PRKAR1B: variants seen among roughly 807,000 people sequenced by gnomAD.
The protein encoded by PRKAR1B is protein kinase cAMP-dependent type I regulatory subunit beta.
Under a neutral mutation model 46.5 loss-of-function variants are expected in PRKAR1B, and 22 were observed. That is an observed-to-expected ratio of 0.47 (90% CI 0.34 to 0.68). The LOEUF (loss-of-function observed/expected upper bound fraction) is 0.68. PRKAR1B is among the 30% of genes least tolerant of loss of function. The probability of loss-of-function intolerance (pLI) is 0.01; values close to 1 mark genes in which losing one functional copy is unlikely to be tolerated. For synonymous variants in PRKAR1B, 259 were observed against 217.7 expected (o/e 1.19, Z -1.67); for missense variants, 445 against 535.6 (o/e 0.83, Z 1.67).
At chr7:711,664 T>A (rs904474525) in intron 1 of PRKAR1B, 137 bp from the exon 2 acceptor site, 23 of 829,004 alleles carry the variant, frequency 2.8e-5, no homozygotes, top group Non-Finnish European at 4.2e-5. Context: ...CAAAGATCTT[T>A]CATTCTGTGG....
chr7:665,591 T>C (rs1785865671), intron 4 of PRKAR1B, among the ~76,000 whole-genome samples: 1 of 152,260 alleles, frequency 6.6e-6, no homozygotes, highest in South Asian at 2.1e-4. Flanking sequence ...CTGGGCTTTC[T>C]GCAAATGGAA....
At chr7:684,197 C>T (rs890321264) in intron 2 of PRKAR1B, among the ~76,000 whole-genome samples, 1 of 152,220 alleles carries the variant, frequency 6.6e-6, no homozygotes, top group Admixed American at 6.5e-5. Context: ...TCCACGTGCA[C>T]CAATGCCCAC....
intron 7 of PRKAR1B, among the ~76,000 whole-genome samples, chr7:594,231 G>A (rs537873564): frequency 1.3e-5 from 2 of 152,238 alleles, no homozygotes; most frequent in East Asian, 1.9e-4. Context: ...AAGACACCAG[G>A]CCATTCACCT....
Position 614,047 on chromosome 7 carries a change from AG to A in PRKAR1B, c.441-6596del, listed in dbSNP as rs1032675665. Among the ~76,000 whole-genome samples the A allele has an allele frequency of 1.5e-4, 23 of 152,262 alleles. No individual in the cohort carries two copies. In the East Asian group the frequency reaches 3.1e-3, roughly 21 times the overall value. On this transcript the variant is annotated intron_variant, in intron 4 of 10. Transcript: ENST00000537384. The stretch of plus-strand genomic sequence containing the variant: ...GGTTCAGGTCAGCATGGAGGGCGGG[AG>A]GCGTGGCGCCCACAGAGGGGAGGGG...
chr7:641,525 A>G lies in PRKAR1B; in HGVS notation c.441-34073T>C, dbSNP rs186518932. Reference sequence around the variant, plus strand: ...GTGCCGTATTGTTCATAATAGCTCCAAACTGAAAACAACCCAGATGACGCC... The same window carrying G: ...GTGCCGTATTGTTCATAATAGCTCCGAACTGAAAACAACCCAGATGACGCC... On this transcript the variant is annotated intron_variant, in intron 4 of 10. Transcript: ENST00000537384. Among the ~76,000 whole-genome samples the G allele has an allele frequency of 4.6e-5, 7 of 152,198 alleles. No individual in the cohort carries two copies. The East Asian group carries it at 1.3e-3, about 29-fold the overall frequency.
chr7:611,868 TG>T (rs1249907025), intron 4 of PRKAR1B, among the ~76,000 whole-genome samples: 1 of 148,930 alleles, frequency 6.7e-6, no homozygotes, highest in Non-Finnish European at 1.5e-5. Flanking sequence ...GATGAATCGA[TG>T]GATGGATGGA....
intron 9 of PRKAR1B, chr7:578,892 G>C: frequency 2.0e-6 from 1 of 490,558 alleles, no homozygotes; most frequent in Non-Finnish European, 3.0e-6. Context: ...ATGTTGGCCA[G>C]GCTGGTCTCG....
intron 4 of PRKAR1B, 34 bp downstream of exon 4, chr7:677,195 C>T (rs117395529): frequency 0.012 from 18,819 of 1,604,152 alleles, 401 homozygotes; most frequent in East Asian, 0.1. Context: ...AGGAGGGCGG[C>T]GGTGATGCCG....
intron 2 of PRKAR1B, among the ~76,000 whole-genome samples, chr7:689,916 C>T (rs1379267121): frequency 1.3e-5 from 2 of 151,244 alleles, no homozygotes; most frequent in South Asian, 2.1e-4. Context: ...CTCCTGACCT[C>T]GTGATCCGCC....
chr7:719,023 C>T (rs536413015), intron 1 of PRKAR1B, among the ~76,000 whole-genome samples: 17 of 151,866 alleles, frequency 1.1e-4, no homozygotes, highest in African/African-American at 4.1e-4. Flanking sequence ...AGGTGCACCC[C>T]ATCACACCCA....
chr7:588,717 G>A (rs1162560301), intron 7 of PRKAR1B, among the ~76,000 whole-genome samples: 1 of 125,274 alleles, frequency 8.0e-6, no homozygotes, highest in Admixed American at 7.8e-5. Flanking sequence ...GGTGATGGTG[G>A]TGATGGTGGT....
At chr7:620,948 C>G (rs1783079040) in intron 4 of PRKAR1B, among the ~76,000 whole-genome samples, 1 of 152,222 alleles carries the variant, frequency 6.6e-6, no homozygotes, top group East Asian at 1.9e-4. Flanking sequence ...TAAGAAGTGA[C>G]CCTATTCTTA....
intron 4 of PRKAR1B, among the ~76,000 whole-genome samples, chr7:673,635 T>C (rs149491269): frequency 0.059 from 8,735 of 147,924 alleles, 797 homozygotes; most frequent in African/African-American, 0.19. Flanking sequence ...GGCAACAGAG[T>C]GAGACTCCAT....
intron 4 of PRKAR1B, among the ~76,000 whole-genome samples, chr7:654,065 C>T (rs1329588865): frequency 4.6e-5 from 7 of 151,614 alleles, no homozygotes; most frequent in Non-Finnish European, 2.9e-5. Flanking sequence ...CAATCACCAT[C>T]TTCATCACCA....
chr7:716,238 T>TA (rs35540539), intron 1 of PRKAR1B, among the ~76,000 whole-genome samples: 9 of 132,936 alleles, frequency 6.8e-5, no homozygotes, highest in Admixed American at 2.3e-4. Flanking sequence ...TTTTTTTTTG[T>TA]AAAAAAAAAA....
At chr7:575,657 C>T (rs572365666) in intron 9 of PRKAR1B, among the ~76,000 whole-genome samples, 33 of 152,194 alleles carry the variant, frequency 2.2e-4, no homozygotes, top group Non-Finnish European at 2.8e-4. Flanking sequence ...GCGATCCTCC[C>T]GCCTCCGCCT....
intron 9 of PRKAR1B, among the ~76,000 whole-genome samples, chr7:574,600 C>T (rs1779714474): frequency 6.6e-6 from 1 of 152,288 alleles, no homozygotes; most frequent in South Asian, 2.1e-4. Context: ...CCTGCTACCA[C>T]ACCCGGCTAA....
chr7:708,048 C>G (rs147237315), intron 2 of PRKAR1B, among the ~76,000 whole-genome samples: 1 of 151,454 alleles, frequency 6.6e-6, no homozygotes, highest in Non-Finnish European at 1.5e-5. Flanking sequence ...GACACAGAAC[C>G]TTATCCCACA....
chr7:715,325 A>T (rs182968272), intron 1 of PRKAR1B, among the ~76,000 whole-genome samples: 33 of 152,236 alleles, frequency 2.2e-4, no homozygotes, highest in Non-Finnish European at 3.1e-4. Context: ...CAACCCCATT[A>T]AATGCTCCTG....
Sources: gnomAD v4.1 joint callset for allele counts (sites outside exome capture counted in the v4.1 genomes callset) on GRCh38, gnomAD v4.1.1 for gene constraint, MANE v1.5 for transcripts, NCBI Gene and HGNC (gene_info 2026-07-23, HGNC 2026-07-21) for gene names.